Variants in HDAC9 observed in about 807,000 individuals in gnomAD.
HDAC9 encodes MEF-2 interacting transcription repressor (MITR) protein.
HDAC9 carries 41 observed loss-of-function variants against 139.4 expected under a neutral mutation model. The observed-to-expected ratio is 0.29, with a 90% CI of 0.23 to 0.38. HDAC9 has a LOEUF of 0.38. Among genes scored for constraint, HDAC9 ranks in the 10% least tolerant of loss-of-function variants. HDAC9 has a pLI of 1.00. For synonymous variants in HDAC9, 517 were observed against 476.2 expected (o/e 1.09, Z -1.12); for missense variants, 1,147 against 1,297.0 (o/e 0.88, Z 1.78).
intron 17 of HDAC9, among the ~76,000 whole-genome samples, chr7:18,812,477 C>T (rs1403074649): frequency 6.6e-6 from 1 of 151,864 alleles, no homozygotes; most frequent in Non-Finnish European, 1.5e-5. Context: ...ACAGTTATTT[C>T]ACACTCTAAA....
intron 2 of HDAC9, among the ~76,000 whole-genome samples, chr7:18,209,813 C>T (rs1205515382): frequency 6.6e-6 from 1 of 151,912 alleles, no homozygotes; most frequent in Admixed American, 6.6e-5. Flanking sequence ...CCATTCTCCT[C>T]CCTCAGCCTT....
At chr7:18,744,829 A>G (rs1012408944) in intron 13 of HDAC9, among the ~76,000 whole-genome samples, 2 of 152,168 alleles carry the variant, frequency 1.3e-5, no homozygotes, top group Non-Finnish European at 2.9e-5. Context: ...AAATTTATCA[A>G]GAAATTTTAA....
chr7:18,648,379 C>T, intron 10 of HDAC9, 87 bp from the exon 11 acceptor site: 1 of 1,153,148 alleles, frequency 8.7e-7, no homozygotes, highest in Non-Finnish European at 1.3e-6. Context: ...TCTTTGGCTT[C>T]TTATCTTTTC....
chr7:18,378,463 CATA>C (rs1447165408), intron 1 of HDAC9, among the ~76,000 whole-genome samples: 1 of 151,842 alleles, frequency 6.6e-6, no homozygotes, highest in Admixed American at 6.6e-5. Context: ...ATAGCTTTTT[CATA>C]ATAATGCCAG....
chr7:18,286,140 G>A (rs1051085114), upstream of HDAC9, among the ~76,000 whole-genome samples: 1 of 151,912 alleles, frequency 6.6e-6, no homozygotes, highest in Non-Finnish European at 1.5e-5. Context: ...GAATAAACTT[G>A]AACACATATT....
chr7:18,926,760 A>G (rs1294894097), intron 22 of HDAC9, among the ~76,000 whole-genome samples: 1 of 152,168 alleles, frequency 6.6e-6, no homozygotes, highest in Non-Finnish European at 1.5e-5. Context: ...GCATTGAAGT[A>G]TTCTGTTGTT....
At chr7:18,420,545 T>A (rs547863609) in intron 1 of HDAC9, among the ~76,000 whole-genome samples, 1 of 152,344 alleles carries the variant, frequency 6.6e-6, no homozygotes, top group East Asian at 1.9e-4. Flanking sequence ...TTAAAACTCA[T>A]AAAATTCATG....
intron 1 of HDAC9, among the ~76,000 whole-genome samples, chr7:18,392,450 C>A (rs1786620515): frequency 6.6e-6 from 1 of 151,374 alleles, no homozygotes; most frequent in African/African-American, 2.4e-5. Flanking sequence ...GACAGATATT[C>A]TTAATGGGTG....
At chr7:18,629,799 G>T (rs1781784754) in intron 7 of HDAC9, among the ~76,000 whole-genome samples, 1 of 152,108 alleles carries the variant, frequency 6.6e-6, no homozygotes, top group African/African-American at 2.4e-5. Context: ...AATTTTTAAT[G>T]AAATTTGATC....
chr7:18,335,713 T>C (rs1430733229), intron 1 of HDAC9, among the ~76,000 whole-genome samples: 2 of 151,554 alleles, frequency 1.3e-5, no homozygotes, highest in Non-Finnish European at 3.0e-5. Context: ...CTCTTTCTCA[T>C]AGAAGGAAGT....
At chr7:18,638,476 C>T in intron 8 of HDAC9, among the ~76,000 whole-genome samples, 1 of 151,990 alleles carries the variant, frequency 6.6e-6, no homozygotes, top group Non-Finnish European at 1.5e-5. Context: ...CAGCCTGAAC[C>T]TGGCTCCAAA....
chr7:18,269,106 A>G (rs980548715), intron 2 of HDAC9, among the ~76,000 whole-genome samples: 1 of 152,184 alleles, frequency 6.6e-6, no homozygotes, highest in Non-Finnish European at 1.5e-5. Context: ...TATCAAAGTT[A>G]AGTCTTCTGG....
intron 23 of HDAC9, chr7:18,948,941 T>G: frequency 2.8e-6 from 1 of 357,620 alleles, no homozygotes; most frequent in Non-Finnish European, 5.3e-6. Context: ...AATAGCCTCT[T>G]GGTCAGTCAT....
intron 21 of HDAC9, among the ~76,000 whole-genome samples, chr7:18,853,357 A>G (rs1455163327): frequency 6.6e-6 from 1 of 152,124 alleles, no homozygotes; most frequent in Non-Finnish European, 1.5e-5. Flanking sequence ...ATTAGGAAAA[A>G]AAAATGAGTT....
rs565987867 is a variant in HDAC9, at chr7:18,867,998, T to C, written c.2685-6480T>C. 2.0e-5 allele frequency among the ~76,000 whole-genome samples: 3 copies of C among 152,346 alleles called. No individual in the cohort carries two copies. The East Asian group carries it at 5.8e-4, about 29-fold the overall frequency. On this transcript the variant is annotated intron_variant, in intron 21 of 25. Coordinates refer to ENST00000686413, the MANE Select transcript of HDAC9 (RefSeq NM_178425.4). Reference sequence around the variant, plus strand: ...TTGATTGTTCTTTTTCATAACAGCATGTCTTTGTTTCAAGGCTAAAATATT... The same window carrying C: ...TTGATTGTTCTTTTTCATAACAGCACGTCTTTGTTTCAAGGCTAAAATATT...
At chr7:18,341,699 G>A (rs10238366) in intron 1 of HDAC9, among the ~76,000 whole-genome samples, 109,299 of 150,794 alleles carry the variant, frequency 0.72, 40,423 homozygotes, top group Admixed American at 0.8. Context: ...TAATTCTAGG[G>A]TTTCTATCAG....
At chr7:18,429,557 GTGTGTGTC>G (rs1039671399) in intron 1 of HDAC9, among the ~76,000 whole-genome samples, 13 of 150,220 alleles carry the variant, frequency 8.7e-5, no homozygotes, top group African/African-American at 3.2e-4. Flanking sequence ...ATTTGTGTGT[GTGTGTGTC>G]TGTGTGTGTG....
intron 1 of HDAC9, among the ~76,000 whole-genome samples, chr7:18,415,292 G>C (rs1788949679): frequency 6.6e-6 from 1 of 152,328 alleles, no homozygotes; most frequent in Non-Finnish European, 1.5e-5. Flanking sequence ...TGTTAAGCCA[G>C]TTCACACTGG....
At chr7:18,664,434 T>C (rs1357441436) in intron 11 of HDAC9, among the ~76,000 whole-genome samples, 1 of 152,156 alleles carries the variant, frequency 6.6e-6, no homozygotes, top group Non-Finnish European at 1.5e-5. Context: ...ATATTTTATT[T>C]CTCTAGATTC....
Sources: allele counts gnomAD v4.1 joint callset (sites outside exome capture counted in the v4.1 genomes callset), GRCh38; gene constraint gnomAD v4.1.1; transcripts MANE v1.5; gene names NCBI Gene and HGNC (gene_info 2026-07-23, HGNC 2026-07-21).